Variants in UNC5D observed in about 807,000 individuals in gnomAD.
UNC5D encodes the protein unc-5 netrin receptor D, also known as netrin receptor UNC5D.
Under a neutral mutation model 105.4 loss-of-function variants are expected in UNC5D, and 39 were observed. That is an observed-to-expected ratio of 0.37 (90% CI 0.29 to 0.48). The LOEUF is 0.48. Ranked by LOEUF, UNC5D falls within the 20% of genes least tolerant of loss-of-function variation. UNC5D has a pLI of 0.98. For synonymous variants in UNC5D, 452 were observed against 450.4 expected (o/e 1.00, Z -0.04); for missense variants, 991 against 1,202.4 (o/e 0.82, Z 2.60).
intron 1 of UNC5D, among the ~76,000 whole-genome samples, chr8:35,511,753 A>C (rs76960173): frequency 1.3e-5 from 2 of 150,966 alleles, no homozygotes; most frequent in Non-Finnish European, 2.9e-5. Flanking sequence ...AAAAAAAAAA[A>C]CCCTCAAAGT....
chr8:35,401,115 A>C (rs1450099891), intron 1 of UNC5D, among the ~76,000 whole-genome samples: 2 of 152,174 alleles, frequency 1.3e-5, no homozygotes. Flanking sequence ...TAAAATACTC[A>C]TAATTAAAAA....
intron 4 of UNC5D, among the ~76,000 whole-genome samples, chr8:35,637,489 A>G (rs1322384833): frequency 6.6e-6 from 1 of 152,216 alleles, no homozygotes; most frequent in Non-Finnish European, 1.5e-5. Flanking sequence ...AAAGCCAGTC[A>G]TAATGAGCCC....
intron 7 of UNC5D, among the ~76,000 whole-genome samples, chr8:35,690,620 A>G (rs1826327013): frequency 6.6e-6 from 1 of 152,204 alleles, no homozygotes; most frequent in African/African-American, 2.4e-5. Flanking sequence ...TCCTGTCTCA[A>G]AGAATAAATA....
At position 35,726,252 on chromosome 8, in the gene UNC5D, C is replaced by T. The variant is rs765138072; in HGVS notation, c.1404C>T (p.Leu468=). ...TGCAGGACCCTCTGGACAAGGAGCT[C>T]ATGACAGAGTCCTCACTCTTTAACC... ...ICLQDPLDKE[L]MTESSLFNPL... The change falls in exon 10 of 17, where the codon CTC becomes CTT. Residue 468 remains leucine (L), a synonymous_variant. Coordinates refer to ENST00000404895, the MANE Select transcript of UNC5D (RefSeq NM_080872.4). 1 of 1,614,100 alleles carries T rather than the reference C, an allele frequency of 6.2e-7. No individual in the cohort carries two copies. The highest frequency in any genetic ancestry group is 2.2e-5 in the East Asian group (1 of 44,856).
chr8:35,631,904 G>A (rs1232297401), intron 4 of UNC5D, among the ~76,000 whole-genome samples: 1 of 152,108 alleles, frequency 6.6e-6, no homozygotes, highest in African/African-American at 2.4e-5. Flanking sequence ...TATTTAATAT[G>A]GTTCTATATT....
In UNC5D at chr8:35,538,395, T is replaced by TTATATA. The variant is rs10524805; in HGVS notation, c.104-10857_104-10852dup. On this transcript the variant is annotated intron_variant, in intron 1 of 16. Coordinates refer to ENST00000404895, the MANE Select transcript of UNC5D (RefSeq NM_080872.4). ...TCAGTCGTGATTTAAAAAAAAATAA[T>TTATATA]TATATATATATATATATATATATAT... Among the ~76,000 whole-genome samples the TTATATA allele has an allele frequency of 2.3e-3, 192 of 82,358 alleles. 2 individuals are homozygous for TTATATA. The highest frequency in any genetic ancestry group is 3.2e-3 in the Non-Finnish European group (132 of 40,628). 54.0% of individuals were successfully genotyped at this position (82,358 alleles called of 152,430 possible).
chr8:35,507,819 A>G (rs1264980747), intron 1 of UNC5D, among the ~76,000 whole-genome samples: 5 of 152,208 alleles, frequency 3.3e-5, no homozygotes, highest in South Asian at 2.1e-4. Flanking sequence ...CCCATTTTCT[A>G]TGATGTGATT....
intron 1 of UNC5D, among the ~76,000 whole-genome samples, chr8:35,355,999 A>T (rs2128913783): frequency 6.6e-6 from 1 of 152,194 alleles, no homozygotes; most frequent in East Asian, 1.9e-4. Context: ...GCTCACTGCA[A>T]ACTCCGCCTC....
intron 1 of UNC5D, among the ~76,000 whole-genome samples, chr8:35,452,813 T>C (rs1215182825): frequency 6.6e-6 from 1 of 152,128 alleles, no homozygotes; most frequent in Non-Finnish European, 1.5e-5. Flanking sequence ...TCCAAATGGA[T>C]TTATGTGAAA....
chr8:35,296,451 C>T (rs1807494522), intron 1 of UNC5D, among the ~76,000 whole-genome samples: 1 of 152,030 alleles, frequency 6.6e-6, no homozygotes, highest in African/African-American at 2.4e-5. Flanking sequence ...TGGAGTTTTG[C>T]TCTTGTTGCC....
chr8:35,531,034 T>C (rs1486909120), intron 1 of UNC5D, among the ~76,000 whole-genome samples: 7 of 151,022 alleles, frequency 4.6e-5, no homozygotes, highest in African/African-American at 1.5e-4. Context: ...GTTTTTTGTG[T>C]CTCTATTTCC....
rs1801888557 is a variant in UNC5D at position 35,362,109 on chromosome 8, T to C, written c.103+126222T>C. ...TCTAAGTTTCTTTTTAGGAAAATATTTATAATAGAGACAGAAAACCTCCAT... is the reference window on the plus strand; with the variant it reads ...TCTAAGTTTCTTTTTAGGAAAATATCTATAATAGAGACAGAAAACCTCCAT... On this transcript the variant is annotated intron_variant, in intron 1 of 16. Transcript: ENST00000404895. Among the ~76,000 whole-genome samples the C allele has an allele frequency of 2.0e-5, 3 of 152,156 alleles. No homozygotes were observed. The South Asian group carries it at 6.2e-4, about 32-fold the overall frequency.
intron 2 of UNC5D, among the ~76,000 whole-genome samples, chr8:35,559,685 TTTTA>T (rs1436479674): frequency 6.6e-6 from 1 of 152,236 alleles, no homozygotes; most frequent in African/African-American, 2.4e-5. Context: ...ACCATCACCC[TTTTA>T]TTTAAAGTTG....
chr8:35,462,109 T>A (rs954662932), intron 1 of UNC5D, among the ~76,000 whole-genome samples: 1 of 152,164 alleles, frequency 6.6e-6, no homozygotes, highest in African/African-American at 2.4e-5. Context: ...AGTATTCAAT[T>A]TATTAAAATT....
intron 1 of UNC5D, among the ~76,000 whole-genome samples, chr8:35,455,274 A>C (rs1314310497): frequency 6.7e-6 from 1 of 149,290 alleles, no homozygotes; most frequent in Non-Finnish European, 1.5e-5. Context: ...ATAGCTAGGA[A>C]TGGATACTTT....
chr8:35,296,756 C>A (rs548730864), intron 1 of UNC5D, among the ~76,000 whole-genome samples: 11 of 152,204 alleles, frequency 7.2e-5, no homozygotes, highest in African/African-American at 2.6e-4. Flanking sequence ...TTTGGCCATT[C>A]ATGTATCTTC....
chr8:35,734,052 C>A (rs553986816), intron 11 of UNC5D, among the ~76,000 whole-genome samples: 2 of 152,104 alleles, frequency 1.3e-5, no homozygotes, highest in African/African-American at 4.8e-5. Flanking sequence ...GTCCTTCCAA[C>A]TGTAGCCCAG....
Position 35,791,057 on chromosome 8 carries a change from A to G in UNC5D, c.*494A>G, listed in dbSNP as rs182858709. On this transcript the variant is annotated 3_prime_UTR_variant, in exon 17 of 17. Transcript: ENST00000404895. The stretch of plus-strand genomic sequence containing the variant: ...GAAACAGGGTTGCCAACCCATTTGT[A>G]TGACTTCAACAACGTCAAGGAGGGC... The G allele has an allele frequency of 7.8e-4, 146 of 186,812 alleles. No homozygotes were observed. The highest frequency in any genetic ancestry group is 4.3e-3 in the Admixed American group (80 of 18,802). The allele number at this position is 186,812 out of a possible 1,614,324, so 11.6% of individuals were successfully genotyped here. A position where few individuals can be genotyped will look rare whatever the true frequency, so the allele number is the denominator to read the frequency against.
intron 11 of UNC5D, among the ~76,000 whole-genome samples, chr8:35,733,473 C>T (rs917187227): frequency 2.0e-5 from 3 of 152,278 alleles, no homozygotes; most frequent in Middle Eastern, 3.4e-3. Context: ...GGCCCGTTTT[C>T]CTCGAAGTTC....
Sources: gnomAD v4.1 joint callset for allele counts (sites outside exome capture counted in the v4.1 genomes callset) on GRCh38, gnomAD v4.1.1 for gene constraint, MANE v1.5 for transcripts, NCBI Gene and HGNC (gene_info 2026-07-23, HGNC 2026-07-21) for gene names.